Variants in POTEB3 observed in about 807,000 individuals in gnomAD.
The protein encoded by POTEB3 is ANKRD26-like family B member 1.
POTEB3 carries 5 observed loss-of-function variants against 39.8 expected under a neutral mutation model. That is an observed-to-expected ratio of 0.13 (90% confidence interval 0.07 to 0.26). The LOEUF (loss-of-function observed/expected upper bound fraction) is 0.26. POTEB3 is among the 10% of genes least tolerant of loss of function. The pLI, the probability that POTEB3 is intolerant of heterozygous loss-of-function variation, is 1.00. For missense variants in POTEB3, 24 were observed against 475.6 expected, an observed-to-expected ratio of 0.05 and a Z score of 8.83; for synonymous variants, 5 against 161.5, an observed-to-expected ratio of 0.03 and a Z score of 7.35.
intron 6 of POTEB3, among the ~76,000 whole-genome samples, chr15:21,422,641 G>T (rs1400723565): frequency 7.1e-6 from 1 of 141,072 alleles, no homozygotes; most frequent in African/African-American, 2.6e-5. Flanking sequence ...AGAGCCCACA[G>T]GTATGGGCTC....
At chr15:21,410,449 C>T (rs201452275) in intron 10 of POTEB3, among the ~76,000 whole-genome samples, 3 of 73,840 alleles carry the variant, frequency 4.1e-5, no homozygotes, top group South Asian at 3.3e-4. Flanking sequence ...TGTACATTTC[C>T]TACTTTCCTA....
intron 10 of POTEB3, among the ~76,000 whole-genome samples, chr15:21,409,876 G>C (rs1387920478): frequency 9.4e-6 from 1 of 106,030 alleles, no homozygotes; most frequent in Non-Finnish European, 1.8e-5. Flanking sequence ...AGGAGGCTGA[G>C]GCAGGAGAAT....
In POTEB3 at chr15:21,419,591, C is replaced by A; in HGVS notation, c.1282G>T (p.Gly428Ter). The part of the protein sequence containing the change: ...EIKKHGSNPV[G>*]LPENLTNGAS... ...CCATTAGTCAGGTTTTCTGGTAATC[C>A]CACAGGATTACTTCCATGCTTCTTT... is the stretch of plus-strand genomic sequence containing the variant. The change falls in exon 9 of 11, where the codon GGA becomes TGA. Residue 428 changes from glycine (G) to a stop codon, truncating the protein, a stop_gained. Coordinates refer to ENST00000611217, the MANE Select transcript of POTEB3 (RefSeq NM_207355.5). LOFTEE classifies it high-confidence loss of function. 1.0e-6 allele frequency: 1 copy of A among 979,114 alleles called. No individual in the cohort carries two copies. The highest frequency in any genetic ancestry group is 1.4e-6 in the Non-Finnish European group (1 of 718,130). 60.7% of individuals were successfully genotyped at this position (979,114 alleles called of 1,614,324 possible). A position where few individuals can be genotyped will look rare whatever the true frequency, so the allele number is the denominator to read the frequency against.
Position 21,406,989 on chromosome 15 carries a change from G to A in POTEB3, c.*1994C>T, listed in dbSNP as rs1898231956. On this transcript the variant is annotated 3_prime_UTR_variant, in exon 11 of 11. Transcript: ENST00000611217. ...CCACAACTTTGTTCTCTGGCTCATCGAGGTTTGGAGTCCACCGCACTGAGG... is the reference window on the plus strand; with the variant it reads ...CCACAACTTTGTTCTCTGGCTCATCAAGGTTTGGAGTCCACCGCACTGAGG... Among the ~76,000 whole-genome samples the A allele has an allele frequency of 4.4e-5, 1 of 22,940 alleles. No individual in the cohort carries two copies. Among genetic ancestry groups the A allele is most frequent in the Admixed American group, 3.2e-4 (1 of 3,104 alleles). The allele number at this position is 22,940 out of a possible 152,430, so 15.0% of individuals were successfully genotyped here.
intron 10 of POTEB3, among the ~76,000 whole-genome samples, chr15:21,410,498 TA>T (rs1898299788): frequency 3.1e-5 from 2 of 64,538 alleles, no homozygotes; most frequent in Admixed American, 2.6e-4. Context: ...ATTAATATTT[TA>T]AAAAGAACTA....
Position 21,407,532 on chromosome 15 carries a change from G to C in POTEB3, c.*1451C>G, listed in dbSNP as rs1898241179. Among the ~76,000 whole-genome samples, 1 of 79,412 alleles carries C rather than the reference G, an allele frequency of 1.3e-5. No homozygotes were observed. The highest frequency in any genetic ancestry group is 1.0e-4 in the Admixed American group (1 of 9,544). The allele number at this position is 79,412 out of a possible 152,430, so 52.1% of individuals were successfully genotyped here. The stretch of plus-strand genomic sequence containing the variant: ...GGTCACCTTGCTGCAGCTCTCCACT[G>C]ATCAGCCACGGTCTGCTTGTACAGA... On this transcript the variant is annotated 3_prime_UTR_variant, in exon 11 of 11. Transcript: ENST00000611217.
chr15:21,438,011 TG>T lies in POTEB3; in HGVS notation c.521+1479del, dbSNP rs1173854853. On this transcript the variant is annotated intron_variant, in intron 1 of 10. Coordinates refer to ENST00000611217, the MANE Select transcript of POTEB3 (RefSeq NM_207355.5). ...CAACTGCCTTGGCCTCCCAAAGTGC[TG>T]GGATTACAGGCATGAGCCACCATGG... Among the ~76,000 whole-genome samples, 6 of 38,214 alleles carry T rather than the reference TG, an allele frequency of 1.6e-4. No individual in the cohort carries two copies. The South Asian group carries it at 4.2e-3, about 27-fold the overall frequency. 25.1% of individuals were successfully genotyped at this position (38,214 alleles called of 152,430 possible).
Position 21,408,956 on chromosome 15 carries a change from G to T in POTEB3, c.*27C>A. 1 of 410,746 alleles carries T rather than the reference G, an allele frequency of 2.4e-6. No individual in the cohort carries two copies. Among genetic ancestry groups the T allele is most frequent in the Non-Finnish European group, 4.2e-6 (1 of 236,840 alleles). 25.4% of individuals were successfully genotyped at this position (410,746 alleles called of 1,614,324 possible). A position where few individuals can be genotyped will look rare whatever the true frequency, so the allele number is the denominator to read the frequency against. The stretch of plus-strand genomic sequence containing the variant: ...AGTTCAGAACTGAGCATTCTCAGTT[G>T]TCAAAATCCTAAGCTGTCCACTGTA... On this transcript the variant is annotated 3_prime_UTR_variant, in exon 11 of 11. Transcript: ENST00000611217.
rs1159457613 is a variant in POTEB3, at chr15:21,409,792, C to T, written c.1534-597G>A. 7.0e-4 allele frequency among the ~76,000 whole-genome samples: 73 copies of T among 104,656 alleles called. 13 individuals carry two copies. The highest frequency in any genetic ancestry group is 7.3e-4 in the South Asian group (3 of 4,114). The allele number at this position is 104,656 out of a possible 152,430, so 68.7% of individuals were successfully genotyped here. On this transcript the variant is annotated intron_variant, in intron 10 of 10. Transcript: ENST00000611217. ...ACAACACTCAACTCATTTAAGATCA[C>T]GATTCTTAAAAGGAGAGATCAAAAA... is the stretch of plus-strand genomic sequence containing the variant.
intron 6 of POTEB3, among the ~76,000 whole-genome samples, chr15:21,422,629 C>T (rs1281274396): frequency 1.5e-5 from 2 of 137,750 alleles, no homozygotes; most frequent in Non-Finnish European, 3.2e-5. Flanking sequence ...GTCTGAGAAG[C>T]CAGAGCCCAC....
intron 9 of POTEB3, among the ~76,000 whole-genome samples, chr15:21,417,890 CT>C: frequency 9.2e-6 from 1 of 108,854 alleles, no homozygotes; most frequent in East Asian, 2.2e-4. Context: ...ATGCTGGGCA[CT>C]TTTATAAATA....
intron 6 of POTEB3, chr15:21,425,078 T>C (rs2141355351): frequency 6.8e-6 from 1 of 146,066 alleles, no homozygotes; most frequent in African/African-American, 2.6e-5. Flanking sequence ...AATACATTGA[T>C]ACTAGTCCAA....
At chr15:21,434,545 A>C (rs1165858643) in intron 3 of POTEB3, 116 bp downstream of exon 3, 1 of 68,736 alleles carries the variant, frequency 1.5e-5, no homozygotes, top group Non-Finnish European at 2.6e-5. Context: ...TCATTTCAAA[A>C]TATTTTCATT....
In POTEB3 at chr15:21,432,698, A is replaced by C. The variant is rs201294481; in HGVS notation, c.811-853T>G. Among the ~76,000 whole-genome samples the C allele has an allele frequency of 8.5e-3, 212 of 24,920 alleles. No homozygotes were observed. In the Middle Eastern group the frequency reaches 0.11, roughly 13 times the overall value. The allele number at this position is 24,920 out of a possible 152,430, so 16.3% of individuals were successfully genotyped here. ...TCCTCTACTTATTGGAAGACTACTC[A>C]CTGCAAATTTCTAAAGACCTTCTGA... On this transcript the variant is annotated intron_variant, in intron 3 of 10. Coordinates refer to ENST00000611217, the MANE Select transcript of POTEB3 (RefSeq NM_207355.5).
At chr15:21,410,755 A>G in intron 10 of POTEB3, 123 bp downstream of exon 10, 1 of 633,706 alleles carries the variant, frequency 1.6e-6, no homozygotes, top group Non-Finnish European at 2.2e-6. Flanking sequence ...ATATATACAC[A>G]CACACAGACA....
At chr15:21,424,841 A>G (rs1898616916) in intron 6 of POTEB3, among the ~76,000 whole-genome samples, 1 of 148,904 alleles carries the variant, frequency 6.7e-6, no homozygotes, top group Non-Finnish European at 1.5e-5. Context: ...TATTGACTAT[A>G]CCTCTCTTCT....
chr15:21,422,724 G>A (rs1294546955), intron 6 of POTEB3, among the ~76,000 whole-genome samples: 1 of 151,062 alleles, frequency 6.6e-6, no homozygotes, highest in Non-Finnish European at 1.5e-5. Flanking sequence ...TTTATTCATA[G>A]CTATTTTTAC....
At position 21,411,103 on chromosome 15, in the gene POTEB3, C is replaced by T; in HGVS notation, c.1410-102G>A. On this transcript the variant is annotated intron_variant, in intron 9 of 10. Coordinates refer to ENST00000611217, the MANE Select transcript of POTEB3 (RefSeq NM_207355.5). ...ATGTCATTCACACAATGTATATCTG[C>T]ACATTAATCCAAGACAAGGCAAAGG... 4 of 822,030 alleles carry T rather than the reference C, an allele frequency of 4.9e-6. 1 individual carries two copies. The highest frequency in any genetic ancestry group is 6.4e-6 in the Non-Finnish European group (4 of 620,334). The allele number at this position is 822,030 out of a possible 1,614,324, so 50.9% of individuals were successfully genotyped here. A position where few individuals can be genotyped will look rare whatever the true frequency, so the allele number is the denominator to read the frequency against.
At chr15:21,432,086 CTT>C (rs1194335174) in intron 3 of POTEB3, among the ~76,000 whole-genome samples, 1 of 91,876 alleles carries the variant, frequency 1.1e-5, no homozygotes, top group African/African-American at 4.1e-5. Context: ...TTCCAAGACT[CTT>C]TGTTTCTAAA....
Sources: gnomAD v4.1 joint callset for allele counts (sites outside exome capture counted in the v4.1 genomes callset) on GRCh38, gnomAD v4.1.1 for gene constraint, MANE v1.5 for transcripts, NCBI Gene and HGNC (gene_info 2026-07-23, HGNC 2026-07-21) for gene names.